The following SYT1 variants were observed in gnomAD, a reference collection of about 807,000 sequenced individuals.
SYT1 encodes synaptotagmin-1.
A neutral mutation model predicts 44.8 loss-of-function variants in SYT1; 8 were observed. The observed-to-expected ratio is 0.18, with a 90% CI of 0.10 to 0.32. SYT1 has a LOEUF of 0.32. Ranked by LOEUF, SYT1 falls within the 10% of genes least tolerant of loss-of-function variation. The pLI is 1.00. For missense variants in SYT1, 286 were observed against 509.3 expected, an observed-to-expected ratio of 0.56 and a Z score of 4.22; for synonymous variants, 154 against 188.8, an observed-to-expected ratio of 0.82 and a Z score of 1.51.
At chr12:79,148,387 A>C (rs1870056939) in intron 3 of SYT1, among the ~76,000 whole-genome samples, 1 of 152,146 alleles carries the variant, frequency 6.6e-6, no homozygotes, top group Non-Finnish European at 1.5e-5. Flanking sequence ...GTAAAATTGT[A>C]CAAAACTAAT....
chr12:79,288,983 G>T (rs1322378180), intron 5 of SYT1, among the ~76,000 whole-genome samples: 1 of 152,102 alleles, frequency 6.6e-6, no homozygotes, highest in Non-Finnish European at 1.5e-5. Context: ...TAAAGATAAG[G>T]TGTTCTCATT....
intron 3 of SYT1, among the ~76,000 whole-genome samples, chr12:79,137,579 C>T (rs1869282821): frequency 2.6e-5 from 4 of 152,098 alleles, no homozygotes; most frequent in Admixed American, 1.3e-4. Flanking sequence ...TGCCTGCTTC[C>T]TAGTACTAAT....
At chr12:78,931,852 C>T (rs1405257693) in intron 1 of SYT1, among the ~76,000 whole-genome samples, 1 of 152,134 alleles carries the variant, frequency 6.6e-6, no homozygotes, top group African/African-American at 2.4e-5. Flanking sequence ...GAGAGCTGAG[C>T]AGTCAGGAGA....
intron 1 of SYT1, among the ~76,000 whole-genome samples, chr12:78,884,955 A>ATGCTTATTTAC (rs1391148085): frequency 1.1e-4 from 17 of 151,998 alleles, no homozygotes; most frequent in Non-Finnish European, 2.9e-5. Context: ...TGCTTATTTA[A>ATGCTTATTTAC]TACTTACTTC....
chr12:78,965,826 C>T lies in SYT1; in HGVS notation c.-216-11973C>T, dbSNP rs141306820. ...TGGTGCAGTGGCTCACACCTGTAAT[C>T]CCAGCACTTTGGGAGGCTGAGGTGG... is the stretch of plus-strand genomic sequence containing the variant. On this transcript the variant is annotated intron_variant, in intron 1 of 10. Transcript: ENST00000261205. Among the ~76,000 whole-genome samples the T allele has an allele frequency of 2.2e-3, 340 of 152,152 alleles. 5 individuals are homozygous for T. The highest frequency in any genetic ancestry group is 8.0e-3 in the African/African-American group (331 of 41,520).
At chr12:79,121,385 A>G (rs59609315) in intron 3 of SYT1, among the ~76,000 whole-genome samples, 24,428 of 152,148 alleles carry the variant, frequency 0.16, 2,127 homozygotes, top group African/African-American at 0.22. Flanking sequence ...TTTGTCTGTC[A>G]GGTTTCCTCT....
At chr12:79,355,317 C>A (rs1287427095) in intron 9 of SYT1, among the ~76,000 whole-genome samples, 1 of 152,154 alleles carries the variant, frequency 6.6e-6, no homozygotes, top group Non-Finnish European at 1.5e-5. Flanking sequence ...CACTAACTAA[C>A]TCAGCATTGT....
At chr12:79,395,005 A>T (rs542687643) in intron 9 of SYT1, among the ~76,000 whole-genome samples, 1 of 152,208 alleles carries the variant, frequency 6.6e-6, no homozygotes, top group South Asian at 2.1e-4. Context: ...TTATTATCTT[A>T]TATTATTTTT....
chr12:79,201,471 GC>G (rs933461281), intron 3 of SYT1, among the ~76,000 whole-genome samples: 41 of 152,074 alleles, frequency 2.7e-4, no homozygotes, highest in Middle Eastern at 3.2e-3. Context: ...AAGTAGGGAC[GC>G]AAAAAGTTAG....
chr12:79,368,926 G>T (rs1200684515), intron 9 of SYT1, among the ~76,000 whole-genome samples: 2 of 152,128 alleles, frequency 1.3e-5, no homozygotes, highest in East Asian at 1.9e-4. Flanking sequence ...GCCAATTTTG[G>T]CTTTTGTTGC....
chr12:79,084,888 C>A (rs1458786210), intron 3 of SYT1, among the ~76,000 whole-genome samples: 1 of 151,822 alleles, frequency 6.6e-6, no homozygotes, highest in African/African-American at 2.4e-5. Context: ...TGCTTGGGAC[C>A]AGAAGTGTTT....
chr12:78,955,777 C>G (rs910856846), intron 1 of SYT1, among the ~76,000 whole-genome samples: 3 of 137,030 alleles, frequency 2.2e-5, no homozygotes, highest in African/African-American at 5.6e-5. Context: ...TGGGTCCATG[C>G]GTTTTATTTT....
intron 8 of SYT1, among the ~76,000 whole-genome samples, chr12:79,335,024 C>A (rs947413908): frequency 6.6e-6 from 1 of 152,188 alleles, no homozygotes; most frequent in Non-Finnish European, 1.5e-5. Context: ...CTCCAGGTGA[C>A]ATTCTTCCCC....
intron 8 of SYT1, among the ~76,000 whole-genome samples, chr12:79,328,452 G>A (rs947375373): frequency 1.3e-5 from 2 of 152,080 alleles, no homozygotes; most frequent in African/African-American, 4.8e-5. Flanking sequence ...TGTTTTATAT[G>A]CAGTATTTAA....
intron 1 of SYT1, among the ~76,000 whole-genome samples, chr12:78,866,025 A>T (rs1873526370): frequency 6.6e-6 from 1 of 152,094 alleles, no homozygotes; most frequent in Non-Finnish European, 1.5e-5. Flanking sequence ...TTTGCAAGGG[A>T]CAACAATTTT....
At chr12:79,438,002 C>T (rs994120692) in intron 9 of SYT1, among the ~76,000 whole-genome samples, 1 of 152,056 alleles carries the variant, frequency 6.6e-6, no homozygotes, top group African/African-American at 2.4e-5. Flanking sequence ...GAGAGTTTCG[C>T]AGGAAGGGTA....
At chr12:78,976,941 T>C (rs887226785) in intron 1 of SYT1, among the ~76,000 whole-genome samples, 9 of 152,158 alleles carry the variant, frequency 5.9e-5, no homozygotes, top group African/African-American at 1.9e-4. Flanking sequence ...TTAGAGTTTC[T>C]ATATTCTAAA....
intron 1 of SYT1, among the ~76,000 whole-genome samples, chr12:78,925,747 G>T (rs17046033): frequency 6.6e-6 from 1 of 151,580 alleles, no homozygotes. Flanking sequence ...TAATAATCGC[G>T]CTTTTTCTAT....
At chr12:79,403,092 T>C (rs1184086015) in intron 9 of SYT1, among the ~76,000 whole-genome samples, 1 of 152,180 alleles carries the variant, frequency 6.6e-6, no homozygotes, top group African/African-American at 2.4e-5. Flanking sequence ...GACGGGTGTA[T>C]ATGAGAAAAG....
Sources: allele counts gnomAD v4.1 joint callset (sites outside exome capture counted in the v4.1 genomes callset), GRCh38; gene constraint gnomAD v4.1.1; transcripts MANE v1.5; gene names NCBI Gene and HGNC (gene_info 2026-07-23, HGNC 2026-07-21).